DYNC1I1: variants seen among roughly 807,000 people sequenced by gnomAD.
DYNC1I1 encodes the protein cytoplasmic dynein 1 intermediate chain 1.
In DYNC1I1, 43 loss-of-function variants were observed where a neutral mutation model predicts 86.6. The observed-to-expected ratio is 0.50, with a 90% CI of 0.39 to 0.64. The LOEUF is 0.64. Ranked by LOEUF, DYNC1I1 falls within the 30% of genes least tolerant of loss-of-function variation. The pLI, the probability that DYNC1I1 is intolerant of heterozygous loss-of-function variation, is 0.00. For missense variants in DYNC1I1, 604 were observed against 788.8 expected (o/e 0.77, Z 2.81); for synonymous variants, 262 against 283.7 (o/e 0.92, Z 0.77).
intron 1 of DYNC1I1, among the ~76,000 whole-genome samples, chr7:95,796,003 A>C (rs1212586394): frequency 6.6e-6 from 1 of 151,582 alleles, no homozygotes; most frequent in African/African-American, 2.4e-5. Context: ...AGGTCTGTAA[A>C]AATCACCCTT....
chr7:95,904,975 A>G (rs1021460086), intron 6 of DYNC1I1, among the ~76,000 whole-genome samples: 1 of 152,214 alleles, frequency 6.6e-6, no homozygotes, highest in Non-Finnish European at 1.5e-5. Flanking sequence ...AAAATGCCTT[A>G]TCACTGAAAT....
At chr7:95,864,161 A>C (rs1182360537) in intron 5 of DYNC1I1, among the ~76,000 whole-genome samples, 1 of 152,210 alleles carries the variant, frequency 6.6e-6, no homozygotes, top group Non-Finnish European at 1.5e-5. Flanking sequence ...ATAAGTAGCT[A>C]GCAAAGCCAT....
At chr7:96,000,154 A>T (rs117497506) in intron 10 of DYNC1I1, among the ~76,000 whole-genome samples, 1,942 of 152,322 alleles carry the variant, frequency 0.013, 17 homozygotes, top group Non-Finnish European at 0.018. Context: ...AAAAACAGAT[A>T]AAAGAACAGA....
chr7:96,005,225 G>A (rs936162522), intron 10 of DYNC1I1, among the ~76,000 whole-genome samples: 4 of 152,150 alleles, frequency 2.6e-5, no homozygotes, highest in African/African-American at 9.7e-5. Flanking sequence ...TAATTCCAGA[G>A]CATCATGCCA....
intron 6 of DYNC1I1, among the ~76,000 whole-genome samples, chr7:95,931,023 G>A (rs1039327718): frequency 6.6e-6 from 1 of 152,156 alleles, no homozygotes; most frequent in Non-Finnish European, 1.5e-5. Context: ...TGGGAAGATC[G>A]TAGAAAAACT....
downstream of DYNC1I1, among the ~76,000 whole-genome samples, chr7:96,100,592 T>TAATCAAGGG (rs1791117879): frequency 6.6e-6 from 1 of 151,908 alleles, no homozygotes; most frequent in Non-Finnish European, 1.5e-5. Context: ...TTGAGGTGTT[T>TAATCAAGGG]AATCAAGGGA....
chr7:95,995,283 A>AATAAATAC (rs925025936), intron 9 of DYNC1I1, among the ~76,000 whole-genome samples: 3 of 151,638 alleles, frequency 2.0e-5, no homozygotes, highest in African/African-American at 7.3e-5. Flanking sequence ...TAAATAAATA[A>AATAAATAC]ATAATGTAGA....
chr7:95,872,146 T>C (rs891494652), intron 6 of DYNC1I1, among the ~76,000 whole-genome samples: 4 of 152,194 alleles, frequency 2.6e-5, no homozygotes, highest in Admixed American at 2.0e-4. Context: ...CAGTGGACAG[T>C]TGGCACTGAG....
chr7:96,022,410 G>T (rs778085881), intron 10 of DYNC1I1, among the ~76,000 whole-genome samples: 14 of 152,074 alleles, frequency 9.2e-5, no homozygotes, highest in Non-Finnish European at 1.8e-4. Flanking sequence ...AGTATAAAGA[G>T]TGTCAAGAAG....
intron 4 of DYNC1I1, among the ~76,000 whole-genome samples, chr7:95,824,045 C>T (rs1462738946): frequency 7.4e-6 from 1 of 135,380 alleles, no homozygotes; most frequent in African/African-American, 2.8e-5. Context: ...GGCTGGAGTG[C>T]AGTGGCATGA....
intron 2 of DYNC1I1, among the ~76,000 whole-genome samples, chr7:95,806,928 C>T (rs1584240717): frequency 6.6e-6 from 1 of 152,270 alleles, no homozygotes; most frequent in East Asian, 1.9e-4. Context: ...TTGAACATGG[C>T]TGGGAAACCT....
chr7:95,852,391 T>C (rs185940555), intron 5 of DYNC1I1, among the ~76,000 whole-genome samples: 16 of 152,150 alleles, frequency 1.1e-4, no homozygotes, highest in Admixed American at 9.2e-4. Flanking sequence ...AAGTCTTCTC[T>C]TTTTTCCTTA....
intron 5 of DYNC1I1, among the ~76,000 whole-genome samples, chr7:95,837,150 T>A (rs1584265638): frequency 6.6e-6 from 1 of 150,428 alleles, no homozygotes; most frequent in East Asian, 2.0e-4. Context: ...GTTTTTGGTG[T>A]GGATGTCCTT....
chr7:95,882,572 G>A (rs531719950), intron 6 of DYNC1I1, among the ~76,000 whole-genome samples: 3 of 152,318 alleles, frequency 2.0e-5, no homozygotes, highest in African/African-American at 7.2e-5. Flanking sequence ...CTGCTAGAAA[G>A]ATCCTTGGGT....
At chr7:96,004,471 T>C (rs975202632) in intron 10 of DYNC1I1, among the ~76,000 whole-genome samples, 1 of 152,230 alleles carries the variant, frequency 6.6e-6, no homozygotes, top group Non-Finnish European at 1.5e-5. Context: ...AGTTATGTTA[T>C]GCAGCATTAC....
At chr7:95,971,744 A>G (rs918055244) in intron 6 of DYNC1I1, among the ~76,000 whole-genome samples, 2 of 152,228 alleles carry the variant, frequency 1.3e-5, no homozygotes, top group African/African-American at 4.8e-5. Context: ...TCAGTGGTAT[A>G]TAAAATAATT....
At chr7:96,043,728 T>C (rs1426870673) in intron 14 of DYNC1I1, among the ~76,000 whole-genome samples, 1 of 151,908 alleles carries the variant, frequency 6.6e-6, no homozygotes, top group Non-Finnish European at 1.5e-5. Context: ...TTTTTTTTTT[T>C]GAAATGTAGT....
At chr7:96,084,618 T>G (rs1411754349) in intron 16 of DYNC1I1, among the ~76,000 whole-genome samples, 2 of 152,178 alleles carry the variant, frequency 1.3e-5, no homozygotes, top group East Asian at 3.9e-4. Flanking sequence ...AGACAGGATT[T>G]CGCCATGTTG....
intron 2 of DYNC1I1, among the ~76,000 whole-genome samples, chr7:95,805,712 A>AACCAGAT (rs1257137486): frequency 6.6e-6 from 1 of 152,186 alleles, no homozygotes; most frequent in Non-Finnish European, 1.5e-5. Context: ...CTTATACAAA[A>AACCAGAT]ACCAGATACC....
Sources: allele counts gnomAD v4.1 joint callset (sites outside exome capture counted in the v4.1 genomes callset), GRCh38; gene constraint gnomAD v4.1.1; transcripts MANE v1.5; gene names NCBI Gene and HGNC (gene_info 2026-07-23, HGNC 2026-07-21).